The following UNC13C variants were observed in gnomAD, a reference collection of about 807,000 sequenced individuals.
UNC13C encodes the protein protein unc-13 homolog C.
Under a neutral mutation model 245.4 loss-of-function variants are expected in UNC13C, and 174 were observed. That is an observed-to-expected ratio of 0.71 (90% CI 0.63 to 0.80). The LOEUF (loss-of-function observed/expected upper bound fraction) is 0.80. Among genes scored for constraint, UNC13C ranks in the 30% least tolerant of loss-of-function variants. UNC13C has a pLI of 0.00. For missense variants in UNC13C, 2,829 were observed against 2,602.9 expected (o/e 1.09, Z -1.89); for synonymous variants, 992 against 895.1 (o/e 1.11, Z -1.93).
intron 2 of UNC13C, among the ~76,000 whole-genome samples, chr15:54,122,681 A>G (rs1419205799): frequency 6.6e-6 from 1 of 152,054 alleles, no homozygotes; most frequent in Non-Finnish European, 1.5e-5. Flanking sequence ...TTTCATCAAG[A>G]TCAAGTTTTG....
At chr15:54,315,077 C>A (rs1435041008) in intron 13 of UNC13C, among the ~76,000 whole-genome samples, 1 of 151,718 alleles carries the variant, frequency 6.6e-6, no homozygotes, top group African/African-American at 2.4e-5. Flanking sequence ...TTGAATCCAT[C>A]TTTATACCAC....
chr15:54,152,002 C>T (rs1352390030), intron 4 of UNC13C, among the ~76,000 whole-genome samples: 1 of 152,164 alleles, frequency 6.6e-6, no homozygotes, highest in Non-Finnish European at 1.5e-5. Context: ...AAAAGAACCC[C>T]AAATCACGCA....
chr15:54,367,173 A>C (rs538884517), intron 17 of UNC13C, among the ~76,000 whole-genome samples: 47 of 152,302 alleles, frequency 3.1e-4, no homozygotes, highest in African/African-American at 1.1e-3. Context: ...ATAAAACAGA[A>C]GAAATATGCC....
At chr15:54,565,727 A>G (rs955099387) in intron 29 of UNC13C, among the ~76,000 whole-genome samples, 9 of 152,050 alleles carry the variant, frequency 5.9e-5, no homozygotes, top group African/African-American at 2.2e-4. Flanking sequence ...CACCCAAAAT[A>G]ATTAATTTGT....
chr15:54,483,220 C>T (rs1360008609), intron 19 of UNC13C, among the ~76,000 whole-genome samples: 1 of 152,178 alleles, frequency 6.6e-6, no homozygotes, highest in Non-Finnish European at 1.5e-5. Context: ...ATCTTCTGCT[C>T]TTCAGCTGGT....
At chr15:53,891,550 G>A in the UNC13C span, among the ~76,000 whole-genome samples, 76 of 152,112 alleles carry the variant, frequency 5.0e-4, no homozygotes, top group African/African-American at 1.8e-3. Context: ...CTCCTGTATT[G>A]GGTACATATA....
At chr15:54,416,229 A>T (rs943889183) in intron 19 of UNC13C, among the ~76,000 whole-genome samples, 2 of 152,216 alleles carry the variant, frequency 1.3e-5, no homozygotes, top group African/African-American at 4.8e-5. Flanking sequence ...AATCATTTTG[A>T]TTACAATATG....
chr15:54,362,391 T>G (rs2039254131), intron 17 of UNC13C, among the ~76,000 whole-genome samples: 1 of 152,212 alleles, frequency 6.6e-6, no homozygotes, highest in African/African-American at 2.4e-5. Flanking sequence ...CTAAAATGAC[T>G]ATTTCTCCTA....
chr15:54,414,757 G>T (rs948729307), intron 18 of UNC13C, among the ~76,000 whole-genome samples: 7 of 151,974 alleles, frequency 4.6e-5, no homozygotes, highest in African/African-American at 1.7e-4. Context: ...CTTTGGCACT[G>T]ATATAATGAA....
At chr15:54,286,659 T>C (rs1012547972) in intron 10 of UNC13C, among the ~76,000 whole-genome samples, 6 of 152,174 alleles carry the variant, frequency 3.9e-5, no homozygotes, top group East Asian at 1.9e-4. Flanking sequence ...TAGGAGACTC[T>C]ATATCTGAAA....
At chr15:54,401,720 T>A (rs501022) in intron 18 of UNC13C, among the ~76,000 whole-genome samples, 121,862 of 151,930 alleles carry the variant, frequency 0.8, 48,935 homozygotes, top group East Asian at 0.9. Context: ...TTGTGCCTGA[T>A]GATCCCCATC....
At chr15:54,293,560 A>C (rs1327298579) in intron 10 of UNC13C, among the ~76,000 whole-genome samples, 4 of 152,148 alleles carry the variant, frequency 2.6e-5, no homozygotes, top group African/African-American at 9.6e-5. Context: ...CCAAGCATGG[A>C]TATTTTTATC....
At chr15:54,589,680 T>G (rs1356383587) in intron 30 of UNC13C, among the ~76,000 whole-genome samples, 1 of 152,110 alleles carries the variant, frequency 6.6e-6, no homozygotes, top group African/African-American at 2.4e-5. Flanking sequence ...TCTTACTGAT[T>G]TGAGTTTGTT....
At chr15:54,168,591 G>A (rs1595938796) in intron 4 of UNC13C, among the ~76,000 whole-genome samples, 2 of 151,934 alleles carry the variant, frequency 1.3e-5, no homozygotes, top group East Asian at 3.9e-4. Context: ...TTTTGGCCAC[G>A]GTCATTTTAT....
intron 13 of UNC13C, among the ~76,000 whole-genome samples, chr15:54,310,484 G>A (rs2037839704): frequency 1.3e-5 from 2 of 151,760 alleles, no homozygotes; most frequent in Admixed American, 6.6e-5. Context: ...TGCTCATGGT[G>A]GAGAGAAGTG....
At chr15:54,616,044 T>G (rs930285887) in intron 30 of UNC13C, among the ~76,000 whole-genome samples, 3 of 152,064 alleles carry the variant, frequency 2.0e-5, no homozygotes, top group African/African-American at 4.8e-5. Context: ...TATTTAAAGT[T>G]AGGATACCTA....
Position 54,014,371 on chromosome 15 carries a change from A to G in UNC13C, c.1468A>G (p.Arg490Gly). 6.2e-7 allele frequency: 1 copy of G among 1,613,888 alleles called. No homozygotes were observed. The highest frequency in any genetic ancestry group is 8.5e-7 in the Non-Finnish European group (1 of 1,179,854). The change falls in exon 2 of 33, where the codon AGA (arginine) becomes GGA (glycine). Residue 490 changes from arginine (R) to glycine (G), a missense_variant. Arg to Gly is a moderately radical substitution (Grantham distance 125). Transcript: ENST00000260323. ...GCCAAGCTCAAAATCACACAGTGCT[A>G]GATCCAAGAATAAAACTGCTAATAG... is the stretch of plus-strand genomic sequence containing the variant. Reference protein sequence around the residue: ...SKPSSKSHSARSKNKTANSSR... With the variant: ...SKPSSKSHSAGSKNKTANSSR...
At chr15:54,105,587 C>T (rs1429777567) in intron 2 of UNC13C, among the ~76,000 whole-genome samples, 4 of 152,058 alleles carry the variant, frequency 2.6e-5, no homozygotes, top group African/African-American at 9.7e-5. Context: ...ATTTTAAGGT[C>T]TCAGGTGACT....
intron 2 of UNC13C, among the ~76,000 whole-genome samples, chr15:54,098,082 G>A (rs1172827452): frequency 6.6e-6 from 1 of 152,194 alleles, no homozygotes; most frequent in African/African-American, 2.4e-5. Context: ...AGTCTCAGCT[G>A]GACAGAGTGG....
Sources: gnomAD v4.1 joint callset for allele counts (sites outside exome capture counted in the v4.1 genomes callset) on GRCh38, gnomAD v4.1.1 for gene constraint, MANE v1.5 for transcripts, NCBI Gene and HGNC (gene_info 2026-07-23, HGNC 2026-07-21) for gene names.